Variants in AP1G1 observed in about 807,000 individuals in gnomAD.
The protein encoded by AP1G1 is adaptor related protein complex 1 subunit gamma 1.
In AP1G1, 7 loss-of-function variants were observed where a neutral mutation model predicts 108.3. That is an observed-to-expected ratio of 0.06 (90% confidence interval 0.04 to 0.12). The LOEUF (loss-of-function observed/expected upper bound fraction) is 0.12. Among genes scored for constraint, AP1G1 ranks in the 10% least tolerant of loss-of-function variants. AP1G1 has a pLI of 1.00. For missense variants in AP1G1, 756 were observed against 1,010.7 expected (o/e 0.75, Z 3.42); for synonymous variants, 379 against 353.5 (o/e 1.07, Z -0.81).
At chr16:71,805,246 G>C (rs1014166103) in intron 1 of AP1G1, among the ~76,000 whole-genome samples, 1 of 152,102 alleles carries the variant, frequency 6.6e-6, no homozygotes, top group Admixed American at 6.6e-5. Context: ...TCAGGAGTTC[G>C]AGACCAGCCT....
intron 15 of AP1G1, among the ~76,000 whole-genome samples, chr16:71,749,267 A>G (rs2030355494): frequency 1.3e-5 from 2 of 151,868 alleles, no homozygotes. Context: ...AGATTGCTTG[A>G]GTCCAGAAGT....
At chr16:71,803,923 CAAAAA>C (rs534074123) in intron 1 of AP1G1, among the ~76,000 whole-genome samples, 1 of 73,676 alleles carries the variant, frequency 1.4e-5, no homozygotes, top group Admixed American at 1.6e-4. Context: ...GACTCCGTCT[CAAAAA>C]AAAAAAAAAA....
At chr16:71,791,726 C>T (rs1439585373) in intron 1 of AP1G1, among the ~76,000 whole-genome samples, 3 of 145,092 alleles carry the variant, frequency 2.1e-5, no homozygotes, top group Non-Finnish European at 3.0e-5. Flanking sequence ...GATATGGTCA[C>T]ACGGCTGGGC....
intron 19 of AP1G1, among the ~76,000 whole-genome samples, chr16:71,741,688 G>T (rs1339221821): frequency 2.6e-5 from 4 of 152,192 alleles, no homozygotes; most frequent in Non-Finnish European, 5.9e-5. Context: ...CACCATTTGT[G>T]CAGTCCAGCA....
chr16:71,734,685 G>C lies in AP1G1; in HGVS notation c.2291C>G (p.Ser764Cys). 1 of 1,613,864 alleles carries C rather than the reference G, an allele frequency of 6.2e-7. No homozygotes were observed. The highest frequency in any genetic ancestry group is 8.5e-7 in the Non-Finnish European group (1 of 1,179,796). The stretch of plus-strand genomic sequence containing the variant: ...TGCTGGGACAATGCTGCTGCTAGGA[G>C]ACAAGAGCTGCAGCTGGAATGTCTA... ...VPKTFQLQLL[S>C]PSSSIVPAFN... Residue 764 changes from serine to cysteine, a missense_variant, in exon 22 of 23, where the codon TCT becomes TGT. Coordinates refer to ENST00000299980, the MANE Select transcript of AP1G1 (RefSeq NM_001128.6).
Position 71,729,750 on chromosome 16 carries a change from A to G in AP1G1, c.*3308T>C, listed in dbSNP as rs2045460767. ...CATGAATACACAGACATGTAAAACC[A>G]CTCTCCCAACTACAAAGTTCATGAA... On this transcript the variant is annotated 3_prime_UTR_variant, in exon 23 of 23. Transcript: ENST00000299980. 1 of 152,312 alleles carries G rather than the reference A, an allele frequency of 6.6e-6. No individual in the cohort carries two copies. Among genetic ancestry groups the G allele is most frequent in the African/African-American group, 2.4e-5 (1 of 41,312 alleles). The allele number at this position is 152,312 out of a possible 1,614,324, so 9.4% of individuals were successfully genotyped here.
rs748372188 is a variant in AP1G1, at chr16:71,732,439, CAT to C, written c.*617_*618del. 2 of 152,642 alleles carry C rather than the reference CAT, an allele frequency of 1.3e-5. No individual in the cohort carries two copies. Among genetic ancestry groups the C allele is most frequent in the Non-Finnish European group, 2.9e-5 (2 of 68,074 alleles). The allele number at this position is 152,642 out of a possible 1,614,324, so 9.5% of individuals were successfully genotyped here. ...TGACCAGTTCTTGGTAACAAACATACATGTGTGTGTCTGTGTGTATACAGCAA... is the reference window on the plus strand; with the variant it reads ...TGACCAGTTCTTGGTAACAAACATACGTGTGTGTCTGTGTGTATACAGCAA... On this transcript the variant is annotated 3_prime_UTR_variant, in exon 23 of 23. Coordinates refer to ENST00000299980, the MANE Select transcript of AP1G1 (RefSeq NM_001128.6).
chr16:71,738,042 T>A (rs969941757), intron 21 of AP1G1, among the ~76,000 whole-genome samples: 1 of 152,214 alleles, frequency 6.6e-6, no homozygotes, highest in African/African-American at 2.4e-5. Context: ...TTTCTTTATT[T>A]AGAACTCTTT....
Position 71,764,682 on chromosome 16 carries a change from A to G in AP1G1, c.783T>C (p.Asp261=). Residue 261 remains aspartate (D), a synonymous_variant, in exon 8 of 23, where the codon GAT becomes GAC. Coordinates refer to ENST00000299980, the MANE Select transcript of AP1G1 (RefSeq NM_001128.6). ...TATCATTCATAGCTTCACTTGAATC[A>G]TCATCATTTCGTCCTAAAATTCTTA... ...RLLRILGRND[D]DSSEAMNDIL... is the part of the protein sequence containing the mutation. 1 of 1,611,800 alleles carries G rather than the reference A, an allele frequency of 6.2e-7. No homozygotes were observed. The highest frequency in any genetic ancestry group is 2.2e-5 in the East Asian group (1 of 44,752).
chr16:71,732,014 TAGATA>T lies in AP1G1; in HGVS notation c.*1039_*1043del, dbSNP rs1279549992. The stretch of plus-strand genomic sequence containing the variant: ...AAATAAAAAGGGAGGTTTGGAGTAA[TAGATA>T]AGATGACTCCAATACTCACTCTTCC... On this transcript the variant is annotated 3_prime_UTR_variant, in exon 23 of 23. Transcript: ENST00000299980. 6.6e-6 allele frequency: 1 copy of T among 152,558 alleles called. No homozygotes were observed. The highest frequency in any genetic ancestry group is 1.9e-4 in the East Asian group (1 of 5,200). 9.5% of individuals were successfully genotyped at this position (152,558 alleles called of 1,614,324 possible).
Position 71,798,878 on chromosome 16 carries a change from G to C in AP1G1, c.-3-9396C>G, listed in dbSNP as rs113928085. 1.5e-3 allele frequency among the ~76,000 whole-genome samples: 228 copies of C among 150,876 alleles called. 2 individuals carry two copies. The highest frequency in any genetic ancestry group is 5.3e-3 in the African/African-American group (216 of 41,030). Reference sequence around the variant, plus strand: ...ACTCTAGCCTGGGCGACAAGGGTGAGACTCTGTCTCCCAGGAAAAAAAAAA... The same window carrying C: ...ACTCTAGCCTGGGCGACAAGGGTGACACTCTGTCTCCCAGGAAAAAAAAAA... On this transcript the variant is annotated intron_variant, in intron 1 of 22. Transcript: ENST00000299980.
At chr16:71,792,347 T>C (rs2032435535) in intron 1 of AP1G1, among the ~76,000 whole-genome samples, 2 of 152,154 alleles carry the variant, frequency 1.3e-5, no homozygotes, top group Non-Finnish European at 2.9e-5. Context: ...GAGAAGATAA[T>C]GCTTAACATA....
At chr16:71,789,225 T>A (rs142243851) in intron 2 of AP1G1, 54 bp downstream of exon 2, 36 of 1,507,966 alleles carry the variant, frequency 2.4e-5, no homozygotes, top group Non-Finnish European at 3.2e-5. Context: ...GGACAATCCC[T>A]GAGCAACAAT....
intron 1 of AP1G1, among the ~76,000 whole-genome samples, chr16:71,805,792 T>C (rs147997612): frequency 0.012 from 1,756 of 152,228 alleles, 32 homozygotes; most frequent in African/African-American, 0.04. Context: ...CTCAGCACTT[T>C]GCGAGGCCGA....
At chr16:71,801,921 C>T (rs1195381394) in intron 1 of AP1G1, among the ~76,000 whole-genome samples, 3 of 122,974 alleles carry the variant, frequency 2.4e-5, no homozygotes, top group South Asian at 2.4e-4. Context: ...GACTCCGTAA[C>T]CAAAAAAAAA....
chr16:71,804,555 A>C (rs9929985), intron 1 of AP1G1, among the ~76,000 whole-genome samples: 2 of 151,760 alleles, frequency 1.3e-5, no homozygotes, highest in African/African-American at 4.8e-5. Context: ...ATGCAGGTGC[A>C]CATCACCATG....
At chr16:71,787,305 C>A (rs1210402290) in intron 2 of AP1G1, among the ~76,000 whole-genome samples, 1 of 131,070 alleles carries the variant, frequency 7.6e-6, no homozygotes, top group African/African-American at 3.0e-5. Flanking sequence ...GGCAACACAG[C>A]GAGACTCTGT....
At chr16:71,767,991 C>A in intron 6 of AP1G1, 2 of 1,311,156 alleles carry the variant, frequency 1.5e-6, no homozygotes, top group Non-Finnish European at 2.1e-6. Flanking sequence ...TTAATCAAGA[C>A]ATGAACATCT....
intron 2 of AP1G1, among the ~76,000 whole-genome samples, chr16:71,786,883 C>T (rs1215212698): frequency 6.6e-6 from 1 of 152,056 alleles, no homozygotes; most frequent in African/African-American, 2.4e-5. Flanking sequence ...AGCAACACAG[C>T]AAAGCCCTGT....
Sources: gnomAD v4.1 joint callset for allele counts (sites outside exome capture counted in the v4.1 genomes callset) on GRCh38, gnomAD v4.1.1 for gene constraint, MANE v1.5 for transcripts, NCBI Gene and HGNC (gene_info 2026-07-23, HGNC 2026-07-21) for gene names.